The following CCDC171 variants were observed in gnomAD, a reference collection of about 807,000 sequenced individuals.
CCDC171 encodes the protein coiled-coil domain containing 171.
CCDC171 carries 177 observed loss-of-function variants against 168.2 expected under a neutral mutation model. The ratio of observed to expected loss-of-function variants is 1.05; its 90% CI spans 0.93 to 1.19. The LOEUF is 1.19. CCDC171 is among the 50% of genes most tolerant of loss of function. The pLI is 0.00. For synonymous variants in CCDC171, 687 were observed against 540.8 expected, an observed-to-expected ratio of 1.27 and a Z score of -3.75; for missense variants, 1,991 against 1,539.0, an observed-to-expected ratio of 1.29 and a Z score of -4.91.
intron 25 of CCDC171, among the ~76,000 whole-genome samples, chr9:15,946,082 T>G (rs59352577): frequency 0.014 from 2,072 of 152,042 alleles, 59 homozygotes; most frequent in African/African-American, 0.047. Context: ...GGGATCCAGT[T>G]TCAGCTTTCT....
intron 3 of CCDC171, among the ~76,000 whole-genome samples, chr9:16,011,372 A>G (rs1013643885): frequency 2.6e-5 from 4 of 151,216 alleles, no homozygotes; most frequent in Admixed American, 1.3e-4. Flanking sequence ...GAAAGATGCA[A>G]TCTGAAAAAT....
At chr9:15,909,790 G>A (rs1823342769) in intron 24 of CCDC171, among the ~76,000 whole-genome samples, 1 of 151,910 alleles carries the variant, frequency 6.6e-6, no homozygotes, top group Non-Finnish European at 1.5e-5. Context: ...TTAATTCCTG[G>A]TGCCAATGAA....
At chr9:15,598,718 CT>C (rs1210662654) in intron 6 of CCDC171, among the ~76,000 whole-genome samples, 13 of 152,096 alleles carry the variant, frequency 8.5e-5, no homozygotes, top group African/African-American at 1.7e-4. Flanking sequence ...AACTTTCTGT[CT>C]CATTGATCTG....
At chr9:15,954,206 C>T (rs1829534791) in intron 25 of CCDC171, among the ~76,000 whole-genome samples, 1 of 148,488 alleles carries the variant, frequency 6.7e-6, no homozygotes, top group South Asian at 2.1e-4. Flanking sequence ...TTTTTTCCCC[C>T]TTCCTTCTGC....
intron 8 of CCDC171, among the ~76,000 whole-genome samples, chr9:16,036,884 A>G (rs986997111): frequency 1.3e-5 from 2 of 152,224 alleles, no homozygotes; most frequent in East Asian, 3.9e-4. Context: ...AACATGAATG[A>G]GCCTGGGGGA....
At chr9:15,787,199 C>A (rs1380251315) in intron 21 of CCDC171, among the ~76,000 whole-genome samples, 1 of 152,056 alleles carries the variant, frequency 6.6e-6, no homozygotes, top group African/African-American at 2.4e-5. Context: ...ATCAGGCTAA[C>A]ATTCATCTTT....
intron 6 of CCDC171, among the ~76,000 whole-genome samples, chr9:16,030,699 A>G (rs1586845509): frequency 6.6e-6 from 1 of 152,296 alleles, no homozygotes; most frequent in South Asian, 2.1e-4. Context: ...TTGTGACCAC[A>G]GAATGCAGAG....
intron 21 of CCDC171, among the ~76,000 whole-genome samples, chr9:15,787,504 C>T (rs955369): frequency 0.37 from 55,565 of 151,894 alleles, 12,588 homozygotes; most frequent in East Asian, 0.65. Flanking sequence ...CCTTCTCTCA[C>T]TCCTTTCCCT....
At chr9:16,044,781 A>G (rs999288760) in intron 1 of CCDC171, among the ~76,000 whole-genome samples, 1 of 152,150 alleles carries the variant, frequency 6.6e-6, no homozygotes, top group Non-Finnish European at 1.5e-5. Context: ...ATGATGCCCC[A>G]TGAACTCTGC....
intron 16 of CCDC171, among the ~76,000 whole-genome samples, chr9:15,734,636 G>A (rs533778584): frequency 1.3e-5 from 2 of 152,050 alleles, no homozygotes; most frequent in Admixed American, 1.3e-4. Flanking sequence ...TGAATACACT[G>A]CAGCAATTTA....
At chr9:15,761,400 A>G (rs1389786666) in intron 18 of CCDC171, among the ~76,000 whole-genome samples, 1 of 152,184 alleles carries the variant, frequency 6.6e-6, no homozygotes, top group East Asian at 1.9e-4. Flanking sequence ...CATATATTTA[A>G]AAGTGCTGAG....
intron 7 of CCDC171, 54 bp downstream of exon 7, chr9:15,623,467 GCGCGCGCGCACACACA>G: frequency 1.7e-6 from 1 of 587,398 alleles, no homozygotes; most frequent in Non-Finnish European, 2.6e-6. Context: ...TCACATATGC[GCGCGCGCGCACACACA>G]CACACACACA....
chr9:15,610,481 A>AAG (rs1564044335), intron 6 of CCDC171, among the ~76,000 whole-genome samples: 1 of 136,754 alleles, frequency 7.3e-6, no homozygotes, highest in African/African-American at 2.8e-5. Context: ...AAAAAAAAAA[A>AAG]CTGGGCGTGG....
chr9:15,628,597 G>A lies in CCDC171; in HGVS notation c.822+5184G>A, dbSNP rs908514718. Among the ~76,000 whole-genome samples, 3 of 152,334 alleles carry A rather than the reference G, an allele frequency of 2.0e-5. No homozygotes were observed. In the South Asian group the frequency reaches 6.2e-4, roughly 32 times the overall value. On this transcript the variant is annotated intron_variant, in intron 7 of 25. Transcript: ENST00000380701. ...GCCTCTGTAGGCTCCACCTATGGGG[G>A]CAGGGCACAGACAAACAAAAAGACA...
intron 10 of CCDC171, among the ~76,000 whole-genome samples, chr9:15,687,672 C>T (rs566947816): frequency 7.9e-5 from 12 of 152,024 alleles, no homozygotes; most frequent in Non-Finnish European, 1.8e-4. Flanking sequence ...ATTCAAATTA[C>T]TGAAATCATG....
At chr9:15,629,246 A>C (rs2045460597) in intron 7 of CCDC171, among the ~76,000 whole-genome samples, 1 of 152,182 alleles carries the variant, frequency 6.6e-6, no homozygotes, top group East Asian at 1.9e-4. Flanking sequence ...CTACAAGAGG[A>C]AATTCAAACC....
At chr9:15,822,453 C>G (rs1051844386) in intron 21 of CCDC171, among the ~76,000 whole-genome samples, 1 of 151,952 alleles carries the variant, frequency 6.6e-6, no homozygotes, top group Admixed American at 6.6e-5. Context: ...GGGCTAATAT[C>G]CAGAATCTAC....
At chr9:15,775,719 G>T (rs2057287987) in intron 18 of CCDC171, among the ~76,000 whole-genome samples, 1 of 152,058 alleles carries the variant, frequency 6.6e-6, no homozygotes, top group African/African-American at 2.4e-5. Flanking sequence ...ATGAACTTTT[G>T]TATTGTTTAT....
the CCDC171 span, among the ~76,000 whole-genome samples, chr9:16,068,790 G>A: frequency 6.1e-5 from 8 of 131,148 alleles, no homozygotes; most frequent in Non-Finnish European, 1.3e-4. Context: ...ATGTATTCTG[G>A]TTTTTATGGG....
Sources: allele counts gnomAD v4.1 joint callset (sites outside exome capture counted in the v4.1 genomes callset), GRCh38; gene constraint gnomAD v4.1.1; transcripts MANE v1.5; gene names NCBI Gene and HGNC (gene_info 2026-07-23, HGNC 2026-07-21).